The following NAALADL2 variants were observed in gnomAD, a reference collection of about 807,000 sequenced individuals.
NAALADL2 encodes N-acetylated alpha-linked acidic dipeptidase like 2, also known as inactive N-acetylated-alpha-linked acidic dipeptidase-like protein 2.
Under a neutral mutation model 87.2 loss-of-function variants are expected in NAALADL2, and 76 were observed. That is an observed-to-expected ratio of 0.87 (90% CI 0.72 to 1.05). NAALADL2 has a LOEUF of 1.05. Among genes scored for constraint, NAALADL2 ranks in the 50% least tolerant of loss-of-function variants. The probability of loss-of-function intolerance (pLI) is 0.00; values close to 1 mark genes in which losing one functional copy is unlikely to be tolerated. For missense variants in NAALADL2, 1,089 were observed against 945.8 expected (o/e 1.15, Z -1.99); for synonymous variants, 354 against 331.0 (o/e 1.07, Z -0.75).
intron 1 of NAALADL2, among the ~76,000 whole-genome samples, chr3:174,509,165 T>C (rs1004561443): frequency 6.6e-6 from 1 of 151,996 alleles, no homozygotes; most frequent in African/African-American, 2.4e-5. Flanking sequence ...ATATTGAATA[T>C]ATAAGTGGCA....
At chr3:175,737,091 T>C (rs1475060861) in intron 11 of NAALADL2, among the ~76,000 whole-genome samples, 1 of 152,142 alleles carries the variant, frequency 6.6e-6, no homozygotes, top group Non-Finnish European at 1.5e-5. Flanking sequence ...CCTTATACTA[T>C]TCTGAGACGT....
chr3:175,007,496 G>GT (rs1421145179), intron 1 of NAALADL2, among the ~76,000 whole-genome samples: 1 of 152,136 alleles, frequency 6.6e-6, no homozygotes. Context: ...TCTAAAAATG[G>GT]TTTCTGGCTA....
chr3:175,769,238 A>G (rs1749154491), intron 13 of NAALADL2, among the ~76,000 whole-genome samples: 1 of 152,242 alleles, frequency 6.6e-6, no homozygotes, highest in Non-Finnish European at 1.5e-5. Flanking sequence ...CACTGAGAAT[A>G]CAATGCTCAA....
intron 9 of NAALADL2, among the ~76,000 whole-genome samples, chr3:175,496,151 T>C (rs537595067): frequency 6.6e-6 from 1 of 152,092 alleles, no homozygotes; most frequent in Non-Finnish European, 1.5e-5. Context: ...TAAAACAAGA[T>C]ACAATGTATT....
intron 10 of NAALADL2, among the ~76,000 whole-genome samples, chr3:175,601,178 C>T (rs1160158262): frequency 6.6e-6 from 1 of 152,026 alleles, no homozygotes; most frequent in African/African-American, 2.4e-5. Flanking sequence ...CTGATGTTTA[C>T]TTTGAAGCAC....
chr3:174,612,106 A>G (rs921867891), intron 2 of NAALADL2, among the ~76,000 whole-genome samples: 19 of 152,108 alleles, frequency 1.2e-4, no homozygotes, highest in Non-Finnish European at 2.8e-4. Flanking sequence ...CACTTTAAGT[A>G]TGTATTGCTG....
At chr3:175,767,916 C>T (rs558311549) in intron 13 of NAALADL2, among the ~76,000 whole-genome samples, 14 of 152,274 alleles carry the variant, frequency 9.2e-5, no homozygotes, top group Non-Finnish European at 5.9e-5. Flanking sequence ...CTACTTCTGC[C>T]TTCCAAATCC....
At chr3:175,348,865 T>C (rs1763435613) in intron 5 of NAALADL2, among the ~76,000 whole-genome samples, 1 of 152,162 alleles carries the variant, frequency 6.6e-6, no homozygotes, top group Non-Finnish European at 1.5e-5. Context: ...ATAACGTGTA[T>C]CTATTTTTAA....
chr3:174,766,588 T>C (rs1441325719), intron 3 of NAALADL2, among the ~76,000 whole-genome samples: 1 of 152,254 alleles, frequency 6.6e-6, no homozygotes, highest in East Asian at 1.9e-4. Context: ...CCATGTAGGC[T>C]ACTACTATGA....
At chr3:174,894,799 C>A (rs1286408518) in intron 1 of NAALADL2, among the ~76,000 whole-genome samples, 1 of 151,856 alleles carries the variant, frequency 6.6e-6, no homozygotes, top group Non-Finnish European at 1.5e-5. Context: ...TCACAAGAGT[C>A]TTAAAACATT....
At chr3:175,324,028 CAAAAAAAAAAAAAAAGAAAAAG>C (rs1366763141) in intron 4 of NAALADL2, 125 bp from the exon 5 acceptor site, 1 of 346,996 alleles carries the variant, frequency 2.9e-6, no homozygotes, top group African/African-American at 3.4e-5. Context: ...AAAAAACAAA[CAAAAAAAAAAAAAAAGAAAAAG>C]AAAAAGAAAA....
At chr3:174,974,875 T>A (rs1744161657) in intron 1 of NAALADL2, among the ~76,000 whole-genome samples, 1 of 152,144 alleles carries the variant, frequency 6.6e-6, no homozygotes, top group African/African-American at 2.4e-5. Context: ...TATGATGTGG[T>A]TATATGTCTA....
chr3:174,586,866 G>C (rs1483374708), intron 2 of NAALADL2, among the ~76,000 whole-genome samples: 2 of 151,862 alleles, frequency 1.3e-5, no homozygotes, highest in East Asian at 3.9e-4. Flanking sequence ...TAAGTTATAG[G>C]GTACATGTGC....
intron 11 of NAALADL2, among the ~76,000 whole-genome samples, chr3:175,703,746 A>T (rs1406501852): frequency 6.6e-6 from 1 of 152,182 alleles, no homozygotes; most frequent in African/African-American, 2.4e-5. Flanking sequence ...CCATCTCAAA[A>T]AAATAAATAA....
chr3:175,571,005 G>C (rs187614018), intron 9 of NAALADL2, among the ~76,000 whole-genome samples: 3 of 152,060 alleles, frequency 2.0e-5, no homozygotes, highest in Admixed American at 1.3e-4. Context: ...TGTGCATGTA[G>C]AGTAAATGCT....
chr3:174,555,311 A>AT (rs1056195584), intron 2 of NAALADL2, among the ~76,000 whole-genome samples: 1 of 151,946 alleles, frequency 6.6e-6, no homozygotes, highest in African/African-American at 2.4e-5. Flanking sequence ...AATTATTATT[A>AT]TTTTTTTGAG....
At chr3:175,717,135 C>T (rs1399832559) in intron 11 of NAALADL2, among the ~76,000 whole-genome samples, 1 of 152,138 alleles carries the variant, frequency 6.6e-6, no homozygotes, top group Non-Finnish European at 1.5e-5. Flanking sequence ...GCACAGAGAA[C>T]AGCCTTAGAA....
chr3:174,635,106 ATGTT>A (rs1268894624), intron 2 of NAALADL2, among the ~76,000 whole-genome samples: 2 of 152,198 alleles, frequency 1.3e-5, no homozygotes, highest in African/African-American at 4.8e-5. Flanking sequence ...AAACATTTGA[ATGTT>A]TGTATCTTAA....
intron 3 of NAALADL2, among the ~76,000 whole-genome samples, chr3:174,823,340 A>T (rs562695711): frequency 2.0e-5 from 3 of 152,016 alleles, no homozygotes; most frequent in Non-Finnish European, 4.4e-5. Context: ...AAAATGTTCC[A>T]TATGGAGGAT....
Sources: allele counts gnomAD v4.1 joint callset (sites outside exome capture counted in the v4.1 genomes callset), GRCh38; gene constraint gnomAD v4.1.1; transcripts MANE v1.5; gene names NCBI Gene and HGNC (gene_info 2026-07-23, HGNC 2026-07-21).